Variants in SYN3 observed in about 807,000 individuals in gnomAD.
SYN3 encodes the protein synapsin III, also known as synapsin-3.
In SYN3, 35 loss-of-function variants were observed where a neutral mutation model predicts 65.8. That is an observed-to-expected ratio of 0.53 (90% CI 0.41 to 0.70). The LOEUF (loss-of-function observed/expected upper bound fraction) is 0.70. Among genes scored for constraint, SYN3 ranks in the 30% least tolerant of loss-of-function variants. The pLI, the probability that SYN3 is intolerant of heterozygous loss-of-function variation, is 0.00. For missense variants in SYN3, 680 were observed against 749.0 expected (o/e 0.91, Z 1.08); for synonymous variants, 270 against 292.9 (o/e 0.92, Z 0.80).
chr22:32,999,669 T>G (rs1285776290), intron 2 of SYN3, among the ~76,000 whole-genome samples: 2 of 151,788 alleles, frequency 1.3e-5, no homozygotes, highest in Non-Finnish European at 2.9e-5. Flanking sequence ...GGCAACACAA[T>G]GAGACTCTGT....
intron 7 of SYN3, among the ~76,000 whole-genome samples, chr22:32,549,502 C>T (rs905559494): frequency 1.2e-4 from 19 of 152,190 alleles, no homozygotes; most frequent in African/African-American, 4.6e-4. Context: ...ATTCTCCGGC[C>T]TTGGCTTCCC....
At chr22:32,833,835 G>C (rs2047649149) in intron 6 of SYN3, 1 of 501,854 alleles carries the variant, frequency 2.0e-6, no homozygotes, top group Admixed American at 1.9e-5. Flanking sequence ...TCCACGGAAA[G>C]CATTTAGCAC....
chr22:32,877,108 A>G (rs1361099062), intron 4 of SYN3, among the ~76,000 whole-genome samples: 1 of 152,144 alleles, frequency 6.6e-6, no homozygotes, highest in Non-Finnish European at 1.5e-5. Context: ...CCCAATTCCA[A>G]TGTGCCCTCT....
intron 3 of SYN3, among the ~76,000 whole-genome samples, chr22:32,935,014 T>C (rs2050732117): frequency 6.6e-6 from 1 of 152,200 alleles, no homozygotes; most frequent in South Asian, 2.1e-4. Context: ...CTTCAGAGGG[T>C]GTGCAGCTCT....
At chr22:32,839,872 C>T (rs113727491) in intron 6 of SYN3, among the ~76,000 whole-genome samples, 22 of 152,208 alleles carry the variant, frequency 1.4e-4, no homozygotes, top group African/African-American at 4.8e-4. Context: ...CTCCCCTTCC[C>T]GGCCCCTTCA....
intron 3 of SYN3, among the ~76,000 whole-genome samples, chr22:32,969,330 A>T (rs1442626226): frequency 6.6e-6 from 1 of 152,222 alleles, no homozygotes; most frequent in East Asian, 1.9e-4. Flanking sequence ...GTTCAGAATC[A>T]GCGGGGCTCA....
intron 1 of SYN3, among the ~76,000 whole-genome samples, chr22:33,009,792 A>ACACACG (rs1491381066): frequency 7.1e-6 from 1 of 141,058 alleles, no homozygotes; most frequent in African/African-American, 2.7e-5. Flanking sequence ...ACACACACAC[A>ACACACG]CTTATATATG....
At chr22:32,515,299 G>A (rs1050353191) in intron 13 of SYN3, among the ~76,000 whole-genome samples, 1 of 152,228 alleles carries the variant, frequency 6.6e-6, no homozygotes, top group African/African-American at 2.4e-5. Context: ...GTGACAGGCT[G>A]TATGCAGATA....
At chr22:33,002,661 CA>C (rs370492167) in intron 2 of SYN3, among the ~76,000 whole-genome samples, 3 of 151,638 alleles carry the variant, frequency 2.0e-5, no homozygotes, top group Non-Finnish European at 2.9e-5. Context: ...CAAAACAAAA[CA>C]AAAAAAACTA....
intron 3 of SYN3, among the ~76,000 whole-genome samples, chr22:32,967,221 G>A (rs1037143684): frequency 6.6e-6 from 1 of 152,226 alleles, no homozygotes; most frequent in Non-Finnish European, 1.5e-5. Context: ...GGCACCGCCA[G>A]TGGAAACTCT....
intron 7 of SYN3, among the ~76,000 whole-genome samples, chr22:32,575,874 AAAAAC>A (rs1308435890): frequency 1.3e-5 from 2 of 151,810 alleles, no homozygotes; most frequent in Admixed American, 6.5e-5. Context: ...CCTCAAGACA[AAAAAC>A]AAAACAAAAC....
chr22:32,886,439 G>A (rs1392577931), intron 4 of SYN3, among the ~76,000 whole-genome samples: 1 of 152,144 alleles, frequency 6.6e-6, no homozygotes, highest in Non-Finnish European at 1.5e-5. Flanking sequence ...CCCCAGCTGT[G>A]CGACTCTGGA....
At chr22:32,818,614 C>T (rs866838986) in intron 6 of SYN3, among the ~76,000 whole-genome samples, 4 of 152,134 alleles carry the variant, frequency 2.6e-5, no homozygotes, top group African/African-American at 9.7e-5. Context: ...GTGTGTTTGC[C>T]GCCACCCCAT....
At chr22:32,640,545 G>T (rs905351184) in intron 6 of SYN3, among the ~76,000 whole-genome samples, 3 of 152,154 alleles carry the variant, frequency 2.0e-5, no homozygotes. Context: ...CAGGACTCCA[G>T]CCCCAGCTCC....
At position 33,006,754 on chromosome 22, in the gene SYN3, G is replaced by A; in HGVS notation, c.-92C>T. ...CTGCTGCCAGGTACAGGGAGTGGTA[G>A]GACTTTAGCCAGAAGAGCCAGGGGG... On this transcript the variant is annotated 5_prime_UTR_variant, in exon 2 of 14. Coordinates refer to ENST00000358763, the MANE Select transcript of SYN3 (RefSeq NM_003490.4). 7.4e-7 allele frequency: 1 copy of A among 1,354,188 alleles called. No homozygotes were observed. The highest frequency in any genetic ancestry group is 1.5e-5 in the South Asian group (1 of 66,978). 83.9% of individuals were successfully genotyped at this position (1,354,188 alleles called of 1,614,324 possible). A position where few individuals can be genotyped will look rare whatever the true frequency, so the allele number is the denominator to read the frequency against.
chr22:32,694,479 C>G (rs1413633688), intron 6 of SYN3, among the ~76,000 whole-genome samples: 1 of 152,156 alleles, frequency 6.6e-6, no homozygotes. Flanking sequence ...AATATTGATA[C>G]AGTTGATCCT....
intron 6 of SYN3, chr22:32,857,463 T>A: frequency 1.1e-6 from 1 of 888,464 alleles, no homozygotes; most frequent in Non-Finnish European, 1.9e-6. Flanking sequence ...AAATGTCCAG[T>A]AAATTGTAAG....
chr22:32,708,180 G>A (rs907199617), intron 6 of SYN3, among the ~76,000 whole-genome samples: 5 of 152,252 alleles, frequency 3.3e-5, no homozygotes, highest in African/African-American at 1.2e-4. Context: ...GCAGCAGGCA[G>A]TGGTGTGGCC....
intron 6 of SYN3, among the ~76,000 whole-genome samples, chr22:32,843,583 A>T (rs1226015568): frequency 6.6e-6 from 1 of 152,212 alleles, no homozygotes; most frequent in East Asian, 1.9e-4. Context: ...AGGGGCCGTG[A>T]GACAAGCTGG....
Sources: gnomAD v4.1 joint callset for allele counts (sites outside exome capture counted in the v4.1 genomes callset) on GRCh38, gnomAD v4.1.1 for gene constraint, MANE v1.5 for transcripts, NCBI Gene and HGNC (gene_info 2026-07-23, HGNC 2026-07-21) for gene names.